ZCWPW1: variants seen among roughly 807,000 people sequenced by gnomAD.
The protein encoded by ZCWPW1 is zinc finger CW-type PWWP domain protein 1.
A neutral mutation model predicts 81.3 loss-of-function variants in ZCWPW1; 56 were observed. The ratio of observed to expected loss-of-function variants is 0.69; its 90% CI spans 0.56 to 0.86. The LOEUF is 0.86. Among genes scored for constraint, ZCWPW1 ranks in the 40% least tolerant of loss-of-function variants. The pLI is 0.00. For synonymous variants in ZCWPW1, 250 were observed against 273.7 expected (o/e 0.91, Z 0.86); for missense variants, 650 against 769.8 (o/e 0.84, Z 1.84).
Position 100,404,238 on chromosome 7 carries a change from CCCGTTCCTAAGGGAA to C in ZCWPW1, c.1255-9_1260del, listed in dbSNP as rs1225791905. ...CGGCTCCAGAAACCAAACAAGTTAACCCGTTCCTAAGGGAACCAAGAAACAAAAGCATCATCCACT... is the reference window on the plus strand; with the variant it reads ...CGGCTCCAGAAACCAAACAAGTTAACCCAAGAAACAAAAGCATCATCCACT... On this transcript the variant is annotated splice_acceptor_variant and splice_polypyrimidine_tract_variant and coding_sequence_variant and intron_variant, in exon 14 of 18. Coordinates refer to ENST00000684423, the MANE Select transcript of ZCWPW1 (RefSeq NM_001386010.1). LOFTEE classifies it high-confidence loss of function. The C allele has an allele frequency of 6.2e-7, 1 of 1,614,124 alleles. No individual in the cohort carries two copies. Among genetic ancestry groups the C allele is most frequent in the Non-Finnish European group, 8.5e-7 (1 of 1,179,992 alleles).
intron 8 of ZCWPW1, among the ~76,000 whole-genome samples, chr7:100,413,784 G>C (rs1794672283): frequency 6.6e-6 from 1 of 151,674 alleles, no homozygotes. Context: ...TAGAGACGGG[G>C]GTCTCACTAT....
intron 12 of ZCWPW1, among the ~76,000 whole-genome samples, chr7:100,406,331 G>A (rs1793001996): frequency 6.6e-6 from 1 of 152,180 alleles, no homozygotes; most frequent in Non-Finnish European, 1.5e-5. Flanking sequence ...ATCCCACGAT[G>A]CACAGGACAG....
At chr7:100,404,923 T>C (rs1198186406) in intron 13 of ZCWPW1, 90 bp downstream of exon 13, 15 of 1,364,890 alleles carry the variant, frequency 1.1e-5, no homozygotes, top group Non-Finnish European at 1.5e-5. Context: ...GGATGGCCCC[T>C]AGCACAAACC....
chr7:100,415,946 A>G, intron 8 of ZCWPW1, 29 bp downstream of exon 8: 1 of 1,613,704 alleles, frequency 6.2e-7, no homozygotes, highest in Non-Finnish European at 8.5e-7. Context: ...TTTCAGGCCA[A>G]GTAGGTTTGC....
At chr7:100,416,945 CAAAAAAA>C (rs377744181) in intron 6 of ZCWPW1, 114 bp downstream of exon 6, 125 of 587,702 alleles carry the variant, frequency 2.1e-4, no homozygotes, top group Non-Finnish European at 3.1e-4. Context: ...GACTCCGTCT[CAAAAAAA>C]AAAAAAAAAA....
At position 100,409,540 on chromosome 7, in the gene ZCWPW1, T is replaced by C. The variant is rs367886190; in HGVS notation, c.759A>G (p.Gln253=). 6.2e-6 allele frequency: 10 copies of C among 1,612,112 alleles called. No individual in the cohort carries two copies. The highest frequency in any genetic ancestry group is 4.0e-5 in the African/African-American group (3 of 74,970). ...AGGAACACTGGACCCAGACCAGACA[T>C]TGACCTGTGAGAGGAAAAAAATGAA... ...QQKGEISGFG[Q]CLVWVQCSFP... is the part of the protein sequence containing the mutation. The change falls in exon 9 of 18, where the codon CAA becomes CAG. Residue 253 remains glutamine, a synonymous_variant. Transcript: ENST00000684423.
chr7:100,427,782 TG>T (rs1323386617), intron 1 of ZCWPW1, among the ~76,000 whole-genome samples: 4 of 151,508 alleles, frequency 2.6e-5, no homozygotes, highest in African/African-American at 9.7e-5. Flanking sequence ...TTCCCATTTG[TG>T]GGGCGCTCCC....
At position 100,400,908 on chromosome 7, in the gene ZCWPW1, C is replaced by CCACA. The variant is rs770271650; in HGVS notation, c.*102_*105dup. On this transcript the variant is annotated 3_prime_UTR_variant, in exon 18 of 18. Transcript: ENST00000684423. ...CTGCTTTATTAACACAGAAACTGCA[C>CCACA]CACACACATTTGAACCTCATAGCCA... is the stretch of plus-strand genomic sequence containing the variant. 373 of 1,255,542 alleles carry CCACA rather than the reference C, an allele frequency of 3.0e-4. No individual in the cohort carries two copies. The highest frequency in any genetic ancestry group is 2.0e-3 in the Middle Eastern group (7 of 3,546). 77.8% of individuals were successfully genotyped at this position (1,255,542 alleles called of 1,614,324 possible).
At chr7:100,414,541 G>A (rs1338891834) in intron 8 of ZCWPW1, among the ~76,000 whole-genome samples, 1 of 151,892 alleles carries the variant, frequency 6.6e-6, no homozygotes, top group Non-Finnish European at 1.5e-5. Context: ...TCAGCCTCTT[G>A]AACAGCTAGG....
chr7:100,427,182 C>T (rs1470846469), intron 1 of ZCWPW1, among the ~76,000 whole-genome samples: 4 of 26,592 alleles, frequency 1.5e-4, no homozygotes, highest in Non-Finnish European at 3.0e-4. Flanking sequence ...CCTTCCCTCC[C>T]TCCTTCCTTC....
rs749300909 is a variant in ZCWPW1 at position 100,420,680 on chromosome 7, T to C, written c.-29-2A>G. The C allele has an allele frequency of 1.2e-6, 2 of 1,613,334 alleles. No individual in the cohort carries two copies. Among genetic ancestry groups the C allele is most frequent in the Non-Finnish European group, 1.7e-6 (2 of 1,179,894 alleles). On this transcript the variant is annotated splice_acceptor_variant, in intron 2 of 17. Coordinates refer to ENST00000684423, the MANE Select transcript of ZCWPW1 (RefSeq NM_001386010.1). LOFTEE classifies it low-confidence loss of function (5UTR_SPLICE). ...TTAGAAACTACGCTTTGTGTGCCTCTGTTAGAAAAAAGAAATTAACTGCTA... is the reference window on the plus strand; with the variant it reads ...TTAGAAACTACGCTTTGTGTGCCTCCGTTAGAAAAAAGAAATTAACTGCTA...
chr7:100,428,264 G>A (rs945139175), intron 1 of ZCWPW1, among the ~76,000 whole-genome samples: 3 of 152,134 alleles, frequency 2.0e-5, no homozygotes, highest in African/African-American at 7.2e-5. Flanking sequence ...GAAAAGGCAC[G>A]AGGACGCCCT....
intron 15 of ZCWPW1, among the ~76,000 whole-genome samples, chr7:100,403,493 G>A (rs1208133469): frequency 6.6e-6 from 1 of 151,694 alleles, no homozygotes; most frequent in Non-Finnish European, 1.5e-5. Context: ...GGGATTACAG[G>A]CGTGAGCCAC....
At chr7:100,406,094 G>C (rs527400996) in intron 12 of ZCWPW1, among the ~76,000 whole-genome samples, 3 of 152,122 alleles carry the variant, frequency 2.0e-5, no homozygotes. Flanking sequence ...TAAGGCCCCT[G>C]AGCCATTGAG....
In ZCWPW1 at chr7:100,402,565, C is replaced by A. The variant is rs777789711; in HGVS notation, c.1425G>T (p.Leu475Phe). The A allele has an allele frequency of 2.5e-6, 4 of 1,613,958 alleles. No homozygotes were observed. In the South Asian group the frequency reaches 3.3e-5, roughly 13 times the overall value. ...GTATTTTGACTCGCTTACGAATGGGCAAAATTGGGTCCTGAGGATGGGAGA... is the reference window on the plus strand; with the variant it reads ...GTATTTTGACTCGCTTACGAATGGGAAAAATTGGGTCCTGAGGATGGGAGA... The part of the protein sequence containing the change: ...KEEGEKTDPI[L>F]PIRKRVKIQT... Residue 475 changes from leucine to phenylalanine, a missense_variant, in exon 16 of 18, where the codon TTG becomes TTT. Physicochemically the swap from Leu to Phe is conservative, Grantham distance 22 (BLOSUM62 0). Transcript: ENST00000684423.
In ZCWPW1 at chr7:100,400,872, T is replaced by C; in HGVS notation, c.*142A>G. ...GGCAGTTAGAGACCAGCCAACCCAG[T>C]CGACTGTAACCTGCTTTATTAACAC... is the stretch of plus-strand genomic sequence containing the variant. On this transcript the variant is annotated 3_prime_UTR_variant, in exon 18 of 18. Coordinates refer to ENST00000684423, the MANE Select transcript of ZCWPW1 (RefSeq NM_001386010.1). The C allele has an allele frequency of 3.1e-6, 3 of 955,990 alleles. No homozygotes were observed. Among genetic ancestry groups the C allele is most frequent in the Non-Finnish European group, 4.5e-6 (3 of 671,550 alleles). The allele number at this position is 955,990 out of a possible 1,614,324, so 59.2% of individuals were successfully genotyped here.
chr7:100,416,575 A>G, intron 6 of ZCWPW1, 119 bp from the exon 7 acceptor site: 1 of 1,029,978 alleles, frequency 9.7e-7, no homozygotes, highest in Non-Finnish European at 1.4e-6. Context: ...AGACCTCCTG[A>G]GGCCATTTCA....
At chr7:100,407,050 C>T (rs576557481) in intron 11 of ZCWPW1, among the ~76,000 whole-genome samples, 178 bp downstream of exon 11, 6 of 152,254 alleles carry the variant, frequency 3.9e-5, no homozygotes, top group African/African-American at 1.4e-4. Flanking sequence ...TAATTAGATA[C>T]AAGTTTGTTT....
Position 100,401,233 on chromosome 7 carries a change from C to G in ZCWPW1, c.1731G>C (p.Ala577=), listed in dbSNP as rs372979817. ...CAGATGAGGGGCAGGCCCCCTTACA[C>G]GCTGATAGGCCCAGGTTCTTTGGCA... ...RTVPKNLGLS[A]CKGACPSSAK... The change falls in exon 18 of 18, where the codon GCG becomes GCC. Residue 577 remains alanine (A), a synonymous_variant. Coordinates refer to ENST00000684423, the MANE Select transcript of ZCWPW1 (RefSeq NM_001386010.1). The G allele has an allele frequency of 5.6e-6, 9 of 1,614,132 alleles. No homozygotes were observed. The highest frequency in any genetic ancestry group is 6.8e-6 in the Non-Finnish European group (8 of 1,180,052).
Sources: gnomAD v4.1 joint callset for allele counts (sites outside exome capture counted in the v4.1 genomes callset) on GRCh38, gnomAD v4.1.1 for gene constraint, MANE v1.5 for transcripts, NCBI Gene and HGNC (gene_info 2026-07-23, HGNC 2026-07-21) for gene names.